Variants in ARHGAP32 observed in about 807,000 individuals in gnomAD.
ARHGAP32 encodes rho GTPase-activating protein 32.
In ARHGAP32, 51 loss-of-function variants were observed where a neutral mutation model predicts 186.5. That is an observed-to-expected ratio of 0.27 (90% CI 0.22 to 0.35). The LOEUF is 0.35. Among genes scored for constraint, ARHGAP32 ranks in the 10% least tolerant of loss-of-function variants. The probability of loss-of-function intolerance (pLI) is 1.00; values close to 1 mark genes in which losing one functional copy is unlikely to be tolerated. For missense variants in ARHGAP32, 2,186 were observed against 2,623.5 expected (o/e 0.83, Z 3.64); for synonymous variants, 950 against 964.3 (o/e 0.99, Z 0.27).
At chr11:129,010,506 C>T (rs1271306947) in intron 11 of ARHGAP32, among the ~76,000 whole-genome samples, 1 of 152,130 alleles carries the variant, frequency 6.6e-6, no homozygotes, top group African/African-American at 2.4e-5. Context: ...CAATTTTCTG[C>T]GTATGGCTAG....
intron 11 of ARHGAP32, among the ~76,000 whole-genome samples, chr11:129,023,002 C>A (rs1350504479): frequency 6.6e-6 from 1 of 152,046 alleles, no homozygotes; most frequent in African/African-American, 2.4e-5. Flanking sequence ...TTCTGAAATT[C>A]CCCCATTTAT....
chr11:129,033,435 A>C (rs888863806), intron 11 of ARHGAP32, among the ~76,000 whole-genome samples: 1 of 152,104 alleles, frequency 6.6e-6, no homozygotes. Flanking sequence ...CTTAAATTTT[A>C]ATTATTCTGG....
At chr11:129,090,451 G>A (rs924063515) in intron 6 of ARHGAP32, among the ~76,000 whole-genome samples, 3 of 152,064 alleles carry the variant, frequency 2.0e-5, no homozygotes, top group Non-Finnish European at 4.4e-5. Flanking sequence ...GATGAATTCT[G>A]CTTAAAATAC....
chr11:129,165,090 G>A (rs1041002583), intron 1 of ARHGAP32, among the ~76,000 whole-genome samples: 1 of 152,106 alleles, frequency 6.6e-6, no homozygotes, highest in Admixed American at 6.5e-5. Context: ...TTAGTGGGAT[G>A]AGAAGGCAGA....
At chr11:129,028,675 GAAGA>G (rs1240381065) in intron 11 of ARHGAP32, among the ~76,000 whole-genome samples, 1 of 152,232 alleles carries the variant, frequency 6.6e-6, no homozygotes, top group Non-Finnish European at 1.5e-5. Flanking sequence ...TGTCACTTAT[GAAGA>G]AAGTACAATT....
chr11:129,264,820 G>A (rs966619090), intron 1 of ARHGAP32, among the ~76,000 whole-genome samples: 2 of 152,110 alleles, frequency 1.3e-5, no homozygotes, highest in African/African-American at 2.4e-5. Flanking sequence ...TCATGCCTTG[G>A]AACTCAAAAA....
Position 129,013,984 on chromosome 11 carries a change from T to C in ARHGAP32, c.1046-15516A>G, listed in dbSNP as rs1201230341. Among the ~76,000 whole-genome samples the C allele has an allele frequency of 2.0e-5, 3 of 152,134 alleles. 1 individual carries two copies. Among genetic ancestry groups the C allele is most frequent in the South Asian group, 4.1e-4 (2 of 4,826 alleles). ...TGTGAGGATTAAGGTCCACCAAACA[T>C]CCTGGATTAGAGACACTAAAATGAT... On this transcript the variant is annotated intron_variant, in intron 11 of 22. Transcript: ENST00000682385.
At chr11:129,217,999 A>G (rs1356323432) in intron 1 of ARHGAP32, among the ~76,000 whole-genome samples, 1 of 152,174 alleles carries the variant, frequency 6.6e-6, no homozygotes, top group Non-Finnish European at 1.5e-5. Context: ...CAATGTACAC[A>G]ATGGACTTAA....
intron 1 of ARHGAP32, among the ~76,000 whole-genome samples, chr11:129,210,143 C>T (rs552225298): frequency 6.6e-6 from 1 of 152,292 alleles, no homozygotes; most frequent in African/African-American, 2.4e-5. Context: ...ATGGCTACGA[C>T]TGCTGAAAAG....
At chr11:128,982,473 C>CTGTG (rs1390997159) in intron 15 of ARHGAP32, among the ~76,000 whole-genome samples, 5 of 84,494 alleles carry the variant, frequency 5.9e-5, no homozygotes, top group Non-Finnish European at 1.4e-4. Flanking sequence ...CAGGTAAGTG[C>CTGTG]CGTGTGTGTG....
rs528286632 is a variant in ARHGAP32 at position 129,258,711 on chromosome 11, C to T, written c.-5+20435G>A. 1.2e-4 allele frequency among the ~76,000 whole-genome samples: 18 copies of T among 152,228 alleles called. No homozygotes were observed. In the East Asian group the frequency reaches 3.1e-3, roughly 26 times the overall value. On this transcript the variant is annotated intron_variant, in intron 1 of 6. Coordinates refer to the ARHGAP32 transcript ENST00000525234. Reference sequence around the variant, plus strand: ...TATTTCTTAAGAGTAGCTGATAAATCGAGACTCAAAGCTAAACTTCCTAAA... The same window carrying T: ...TATTTCTTAAGAGTAGCTGATAAATTGAGACTCAAAGCTAAACTTCCTAAA...
Position 128,972,707 on chromosome 11 carries a change from C to T in ARHGAP32, c.3799G>A (p.Glu1267Lys), listed in dbSNP as rs768865360. ...ATGGTGGCTGTGCTGGTATTCTCTT[C>T]GGGGGACCCAGAAGGAGGGTAGATT... ...DKIYPPSGSP[E>K]ENTSTATMTY... Residue 1267 changes from glutamate (E) to lysine (K), a missense_variant, in exon 22 of 23, where the codon GAA (glutamate) becomes AAA (lysine). Glu to Lys is a moderately conservative substitution (Grantham distance 56, BLOSUM62 1). This residue lies in a region of ARHGAP32 where 1,502 missense variants were observed against 1,570.0 expected (regional missense o/e 0.96). Transcript: ENST00000682385. 13 of 1,613,800 alleles carry T rather than the reference C, an allele frequency of 8.1e-6. No homozygotes were observed. Among genetic ancestry groups the T allele is most frequent in the African/African-American group, 1.3e-5 (1 of 74,844 alleles).
chr11:129,099,864 G>A (rs1343206872), intron 5 of ARHGAP32, among the ~76,000 whole-genome samples: 4 of 151,962 alleles, frequency 2.6e-5, no homozygotes, highest in African/African-American at 9.7e-5. Context: ...GGCACCCAGA[G>A]TGTACACAAG....
At chr11:129,219,001 A>G (rs962479766) in intron 1 of ARHGAP32, among the ~76,000 whole-genome samples, 13 of 152,298 alleles carry the variant, frequency 8.5e-5, no homozygotes, top group African/African-American at 3.1e-4. Context: ...CCAACCCTTC[A>G]GGGAGCACTA....
intron 11 of ARHGAP32, among the ~76,000 whole-genome samples, chr11:129,021,577 C>T (rs1025090163): frequency 6.6e-6 from 1 of 152,150 alleles, no homozygotes; most frequent in Non-Finnish European, 1.5e-5. Context: ...TTATTATCTA[C>T]ATTACACACT....
At position 129,018,820 on chromosome 11, in the gene ARHGAP32, C is replaced by A. The variant is rs540955454; in HGVS notation, c.1046-20352G>T. On this transcript the variant is annotated intron_variant, in intron 11 of 22. Coordinates refer to ENST00000682385, the MANE Select transcript of ARHGAP32 (RefSeq NM_001378024.1). Reference sequence around the variant, plus strand: ...CAATGTAAATATTAAAGGAACTGAACAAATACTTTTTCCAATAATACAGAA... The same window carrying A: ...CAATGTAAATATTAAAGGAACTGAAAAAATACTTTTTCCAATAATACAGAA... Among the ~76,000 whole-genome samples the A allele has an allele frequency of 2.3e-4, 35 of 152,172 alleles. No individual in the cohort carries two copies. In the East Asian group the frequency reaches 4.0e-3, roughly 18 times the overall value.
intron 1 of ARHGAP32, among the ~76,000 whole-genome samples, chr11:129,218,337 T>C (rs1471745692): frequency 6.6e-6 from 1 of 152,188 alleles, no homozygotes; most frequent in Non-Finnish European, 1.5e-5. Context: ...TTGTTTCTTC[T>C]GTCAGTCATA....
intron 10 of ARHGAP32, among the ~76,000 whole-genome samples, chr11:129,045,277 T>A (rs1021132155): frequency 6.6e-6 from 1 of 152,224 alleles, no homozygotes; most frequent in Admixed American, 6.5e-5. Flanking sequence ...TCTGTCGTGG[T>A]CATCACTTGA....
chr11:129,002,957 CGCCACTACGCCCG>C lies in ARHGAP32; in HGVS notation c.1046-4502_1046-4490del, dbSNP rs960136937. The stretch of plus-strand genomic sequence containing the variant: ...CCGAGTAGCTGGGACTACAGGCACC[CGCCACTACGCCCG>C]GCTAACTTTTTGTATTTTTAGTAGA... On this transcript the variant is annotated intron_variant, in intron 11 of 22. Coordinates refer to ENST00000682385, the MANE Select transcript of ARHGAP32 (RefSeq NM_001378024.1). Among the ~76,000 whole-genome samples the C allele has an allele frequency of 3.9e-3, 590 of 151,996 alleles. 2 individuals carry two copies. The highest frequency in any genetic ancestry group is 0.014 in the African/African-American group (564 of 41,474).
Sources: gnomAD v4.1 joint callset for allele counts (sites outside exome capture counted in the v4.1 genomes callset) on GRCh38, gnomAD v4.1.1 for gene constraint, gnomAD v4.1.1 regional missense constraint, MANE v1.5 for transcripts, NCBI Gene and HGNC (gene_info 2026-07-23, HGNC 2026-07-21) for gene names.